CNOT3: variants seen among roughly 807,000 people sequenced by gnomAD.
CNOT3 encodes the protein CCR4-associated factor 3.
CNOT3 carries 2 observed loss-of-function variants against 89.4 expected under a neutral mutation model. That is an observed-to-expected ratio of 0.02 (90% CI 0.01 to 0.07). The LOEUF (loss-of-function observed/expected upper bound fraction) is 0.07, where lower values mean the gene tolerates loss of function less well. CNOT3 is among the 10% of genes least tolerant of loss of function. The probability of loss-of-function intolerance (pLI) is 1.00; values close to 1 mark genes in which losing one functional copy is unlikely to be tolerated. For synonymous variants in CNOT3, 486 were observed against 402.0 expected, an observed-to-expected ratio of 1.21 and a Z score of -2.50; for missense variants, 664 against 1,010.2, an observed-to-expected ratio of 0.66 and a Z score of 4.65.
At chr19:54,139,649 T>C (rs587616614) in intron 1 of CNOT3, among the ~76,000 whole-genome samples, 69 of 152,286 alleles carry the variant, frequency 4.5e-4, no homozygotes, top group Non-Finnish European at 8.5e-4. Flanking sequence ...AGGACCCCTC[T>C]CGGATGCAGG....
At chr19:54,146,094 CGAG>C (rs1360752920) in intron 9 of CNOT3, 51 bp downstream of exon 9, 18 of 1,596,758 alleles carry the variant, frequency 1.1e-5, no homozygotes, top group East Asian at 2.2e-5. Context: ...GGGCAGGACT[CGAG>C]GAGACAAATC....
rs781193024 is a variant in CNOT3 at position 54,148,603 on chromosome 19, T to C, written c.1283-17T>C. 58 of 1,606,666 alleles carry C rather than the reference T, an allele frequency of 3.6e-5. No homozygotes were observed. In the Admixed American group the frequency reaches 9.8e-4, roughly 27 times the overall value. ...GGCAGCAGGCAGCAGCCCTTTCCAT[T>C]TACTCTTTGTTCCCAGGTTACAGCT... On this transcript the variant is annotated splice_polypyrimidine_tract_variant and intron_variant, in intron 11 of 17. Transcript: ENST00000221232. The surrounding 1 kb of genome is among the most constrained non-coding windows in gnomAD (Gnocchi z 6.3).
chr19:54,143,722 T>C lies in CNOT3; in HGVS notation c.231T>C (p.Leu77=). 6.2e-7 allele frequency: 1 copy of C among 1,611,272 alleles called. No individual in the cohort carries two copies. The highest frequency in any genetic ancestry group is 1.1e-5 in the South Asian group (1 of 90,888). ...ASNEIKDKRQ[L]IDNRKLIETQ... ...ACGAGATCAAGGACAAGAGGCAGCT[T>C]ATAGACAACCGCAAGCTCATTGAGA... The change falls in exon 5 of 18, where the codon CTT becomes CTC. Residue 77 remains leucine (L), a synonymous_variant. Coordinates refer to ENST00000221232, the MANE Select transcript of CNOT3 (RefSeq NM_014516.4).
intron 5 of CNOT3, 30 bp from the exon 6 acceptor site, chr19:54,143,976 G>A (rs372345705): frequency 6.3e-7 from 1 of 1,584,110 alleles, no homozygotes; most frequent in African/African-American, 1.4e-5. Flanking sequence ...CCACCTTTGA[G>A]AGCCCCCCTG....
chr19:54,151,831 G>A (rs1176395646), intron 13 of CNOT3, among the ~76,000 whole-genome samples: 2 of 152,216 alleles, frequency 1.3e-5, no homozygotes, highest in East Asian at 1.9e-4. Flanking sequence ...CTTCAAGACA[G>A]GCGGGAGCTC....
At position 54,152,265 on chromosome 19, in the gene CNOT3, C is replaced by T. The variant is rs1420624033; in HGVS notation, c.1645C>T (p.Arg549Trp). The T allele has an allele frequency of 4.3e-6, 7 of 1,614,084 alleles. 1 individual carries two copies. Among genetic ancestry groups the T allele is most frequent in the South Asian group, 2.2e-5 (2 of 91,092 alleles). ...PLSSLKSMAERAAISSGIEDP... is the reference protein window; with the variant it reads ...PLSSLKSMAEWAAISSGIEDP... ...GAGCTCCTTGAAGTCCATGGCGGAA[C>T]GGGCAGCCATCAGCTCTGGCATTGA... Residue 549 changes from arginine to tryptophan, a missense_variant, in exon 14 of 18, where the codon CGG becomes TGG. This residue lies in a region of CNOT3 where 545 missense variants were observed against 566.2 expected (regional missense o/e 0.96). Coordinates refer to ENST00000221232, the MANE Select transcript of CNOT3 (RefSeq NM_014516.4).
chr19:54,147,324 AC>A, intron 10 of CNOT3, among the ~76,000 whole-genome samples: 1 of 152,294 alleles, frequency 6.6e-6, no homozygotes, highest in East Asian at 1.9e-4. Flanking sequence ...CCAAGGGGAC[AC>A]CCTGAGTGGG....
chr19:54,138,243 C>T (rs372802240), intron 1 of CNOT3, among the ~76,000 whole-genome samples: 1 of 151,644 alleles, frequency 6.6e-6, no homozygotes, highest in African/African-American at 2.4e-5. Context: ...TTCCGCGACC[C>T]GGACCCCGGG....
intron 1 of CNOT3, chr19:54,141,325 T>G (rs780646744): frequency 6.6e-5 from 10 of 152,158 alleles, no homozygotes; most frequent in Admixed American, 2.6e-4. Context: ...CTGAGGAGAT[T>G]TAAATTCCCT....
intron 1 of CNOT3, among the ~76,000 whole-genome samples, chr19:54,140,980 C>A (rs754412175): frequency 6.6e-6 from 1 of 152,182 alleles, no homozygotes; most frequent in African/African-American, 2.4e-5. Context: ...GAGCACCTGC[C>A]CATGACCCTC....
intron 17 of CNOT3, chr19:54,154,410 ATTAAC>A (rs1452229439): frequency 1.9e-5 from 4 of 215,348 alleles, no homozygotes. Flanking sequence ...CTGTGTCTCA[ATTAAC>A]TTATCTGTAA....
chr19:54,143,349 G>GGT (rs1439198140), intron 3 of CNOT3, 93 bp from the exon 4 acceptor site: 6 of 1,366,656 alleles, frequency 4.4e-6, no homozygotes, highest in Non-Finnish European at 6.3e-6. Flanking sequence ...GGTTGGGGGG[G>GGT]GTCCTCGAGT....
intron 17 of CNOT3, 61 bp downstream of exon 17, chr19:54,153,901 G>A (rs1303312966): frequency 6.2e-7 from 1 of 1,611,278 alleles, no homozygotes; most frequent in Admixed American, 1.7e-5. Context: ...CCAGGCTCCA[G>A]GCAGCCCCTG....
chr19:54,149,862 C>CGT, intron 13 of CNOT3, 104 bp downstream of exon 13: 2 of 1,182,830 alleles, frequency 1.7e-6, no homozygotes, highest in Non-Finnish European at 2.3e-6. Flanking sequence ...TTCTGGATCT[C>CGT]TCTCTGGCTT....
chr19:54,152,847 C>T lies in CNOT3; in HGVS notation c.1905-20C>T, dbSNP rs777796183. ...AGGACTAGTAGGCAGCTGGCACTGA[C>T]CTTCCTGTTGCTCTCACAGGCAGTA... On this transcript the variant is annotated intron_variant, in intron 15 of 17. Coordinates refer to ENST00000221232, the MANE Select transcript of CNOT3 (RefSeq NM_014516.4). The T allele has an allele frequency of 7.9e-7, 1 of 1,271,036 alleles. No individual in the cohort carries two copies. The highest frequency in any genetic ancestry group is 2.0e-5 in the Admixed American group (1 of 50,890). The allele number at this position is 1,271,036 out of a possible 1,614,324, so 78.7% of individuals were successfully genotyped here. A position where few individuals can be genotyped will look rare whatever the true frequency, so the allele number is the denominator to read the frequency against.
rs771786754 is a variant in CNOT3, at chr19:54,143,526, CT to C, written c.168+11del. 6.2e-7 allele frequency: 1 copy of C among 1,613,666 alleles called. No homozygotes were observed. Among genetic ancestry groups the C allele is most frequent in the East Asian group, 2.2e-5 (1 of 44,880 alleles). On this transcript the variant is annotated intron_variant, in intron 4 of 17. Transcript: ENST00000221232. The stretch of plus-strand genomic sequence containing the variant: ...GATTAAGAAGCTACAAGTGAGGGGG[CT>C]GGGGGCCTGGACGCCTTTGTCCTGA...
chr19:54,148,180 C>T lies in CNOT3; in HGVS notation c.927C>T (p.His309=). Residue 309 remains histidine, a synonymous_variant, in exon 11 of 18, where the codon CAC becomes CAT. Transcript: ENST00000221232. This position sits in a 1 kb window ranked among gnomAD's most constrained non-coding sequence, Gnocchi z 6.3. ...CCAAAAACGGCTCCAAGCCTGTCCA[C>T]AGCAACCAGCACCCTCAGTCCCCAG... The part of the protein sequence containing the change: ...SPAKNGSKPV[H]SNQHPQSPAV... 6.4e-7 allele frequency: 1 copy of T among 1,562,176 alleles called. No homozygotes were observed. Among genetic ancestry groups the T allele is most frequent in the East Asian group, 2.3e-5 (1 of 43,236 alleles).
At chr19:54,149,537 CCT>C (rs767937174) in intron 12 of CNOT3, 21 bp from the exon 13 acceptor site, 2 of 1,503,108 alleles carry the variant, frequency 1.3e-6, no homozygotes, top group Non-Finnish European at 1.8e-6. Flanking sequence ...CTCTCAACCC[CCT>C]CTTCCATGCT....
chr19:54,147,488 G>C (rs1303604525), intron 10 of CNOT3, among the ~76,000 whole-genome samples: 5 of 152,222 alleles, frequency 3.3e-5, no homozygotes, highest in African/African-American at 1.2e-4. Flanking sequence ...CTGCCAAGCA[G>C]CGATGCCCAG....
Sources: gnomAD v4.1 joint callset for allele counts (sites outside exome capture counted in the v4.1 genomes callset) on GRCh38, gnomAD v4.1.1 for gene constraint, gnomAD v4.1.1 regional missense constraint, Gnocchi (gnomAD v3.1) non-coding constraint, MANE v1.5 for transcripts, NCBI Gene and HGNC (gene_info 2026-07-23, HGNC 2026-07-21) for gene names.